CACNA2D1: variants seen among roughly 807,000 people sequenced by gnomAD.
The protein encoded by CACNA2D1 is calcium voltage-gated channel auxiliary subunit alpha2delta 1.
In CACNA2D1, 53 loss-of-function variants were observed where a neutral mutation model predicts 171.5. The ratio of observed to expected loss-of-function variants is 0.31; its 90% CI spans 0.25 to 0.39. CACNA2D1 has a LOEUF of 0.39. Among genes scored for constraint, CACNA2D1 ranks in the 10% least tolerant of loss-of-function variants. The pLI, the probability that CACNA2D1 is intolerant of heterozygous loss-of-function variation, is 1.00. For missense variants in CACNA2D1, 903 were observed against 1,299.8 expected (o/e 0.69, Z 4.69); for synonymous variants, 442 against 443.1 (o/e 1.00, Z 0.03).
intron 1 of CACNA2D1, among the ~76,000 whole-genome samples, chr7:82,400,312 T>C (rs1456889347): frequency 1.3e-5 from 2 of 151,776 alleles, no homozygotes; most frequent in African/African-American, 4.8e-5. Flanking sequence ...ATTTTCACGA[T>C]ATTGATTCTT....
At chr7:82,428,485 A>C (rs1278680222) in intron 1 of CACNA2D1, among the ~76,000 whole-genome samples, 1 of 152,230 alleles carries the variant, frequency 6.6e-6, no homozygotes, top group Non-Finnish European at 1.5e-5. Flanking sequence ...CTAGTGTTCT[A>C]ATCAGATAAA....
At chr7:82,408,810 G>A (rs948125883) in intron 1 of CACNA2D1, among the ~76,000 whole-genome samples, 14 of 152,138 alleles carry the variant, frequency 9.2e-5, no homozygotes, top group Admixed American at 2.0e-4. Context: ...TAAACACAGC[G>A]TAGTCAACTA....
chr7:81,979,746 AAATT>A (rs748508980), intron 24 of CACNA2D1, among the ~76,000 whole-genome samples: 76 of 152,290 alleles, frequency 5.0e-4, no homozygotes, highest in Non-Finnish European at 8.8e-4. Context: ...AAGTAACTTG[AAATT>A]AATTAAAGTG....
chr7:82,098,728 A>G (rs568843856), intron 6 of CACNA2D1, among the ~76,000 whole-genome samples: 1 of 152,256 alleles, frequency 6.6e-6, no homozygotes, highest in South Asian at 2.1e-4. Flanking sequence ...TCTCCTCACC[A>G]TCAATGCGTG....
rs547791558 is a variant in CACNA2D1 at position 82,012,466 on chromosome 7, A to G, written c.1273-223T>C. Reference sequence around the variant, plus strand: ...TTGACTTACATTATTTATACAATATATCTACCCCAGTTTTTTTCTAGTAAC... The same window carrying G: ...TTGACTTACATTATTTATACAATATGTCTACCCCAGTTTTTTTCTAGTAAC... On this transcript the variant is annotated intron_variant, in intron 14 of 38. Coordinates refer to ENST00000356860, the MANE Select transcript of CACNA2D1 (RefSeq NM_000722.4). Among the ~76,000 whole-genome samples, 11 of 152,254 alleles carry G rather than the reference A, an allele frequency of 7.2e-5. No individual in the cohort carries two copies. The South Asian group carries it at 2.3e-3, about 32-fold the overall frequency.
chr7:82,136,368 C>T (rs1018835130), intron 5 of CACNA2D1, among the ~76,000 whole-genome samples: 1 of 152,016 alleles, frequency 6.6e-6, no homozygotes, highest in East Asian at 1.9e-4. Flanking sequence ...CAGAGTATCA[C>T]AGTTGGTACA....
At chr7:82,206,180 A>C (rs1799986417) in intron 3 of CACNA2D1, among the ~76,000 whole-genome samples, 1 of 151,982 alleles carries the variant, frequency 6.6e-6, no homozygotes, top group East Asian at 1.9e-4. Flanking sequence ...TCTGAAATCA[A>C]ATTTACAAGC....
chr7:82,046,208 T>C (rs1325969559), intron 10 of CACNA2D1, among the ~76,000 whole-genome samples: 3 of 152,212 alleles, frequency 2.0e-5, no homozygotes, highest in Admixed American at 1.3e-4. Flanking sequence ...AATATATTAC[T>C]AAAAGTACTG....
intron 3 of CACNA2D1, among the ~76,000 whole-genome samples, chr7:82,180,599 T>C (rs192634094): frequency 2.0e-5 from 3 of 152,072 alleles, no homozygotes; most frequent in Non-Finnish European, 4.4e-5. Flanking sequence ...CTATTGAGAG[T>C]GGCCAGAAAG....
intron 3 of CACNA2D1, among the ~76,000 whole-genome samples, chr7:82,273,776 G>T (rs914767889): frequency 6.6e-6 from 1 of 152,142 alleles, no homozygotes; most frequent in African/African-American, 2.4e-5. Flanking sequence ...GTGTGCAGAT[G>T]TATTTGCGCC....
intron 6 of CACNA2D1, among the ~76,000 whole-genome samples, chr7:82,090,070 CA>C (rs1379351972): frequency 3.3e-5 from 5 of 152,082 alleles, no homozygotes; most frequent in Admixed American, 6.6e-5. Context: ...AAGTAATCAT[CA>C]AAATCAAGTT....
chr7:82,166,504 C>G (rs7810122), intron 4 of CACNA2D1, among the ~76,000 whole-genome samples: 92,284 of 151,860 alleles, frequency 0.61, 30,281 homozygotes, highest in Non-Finnish European at 0.74. Context: ...TGCAAGCTTC[C>G]TTGGAAACAA....
chr7:82,343,655 T>C (rs945338797), intron 2 of CACNA2D1, among the ~76,000 whole-genome samples: 2 of 152,226 alleles, frequency 1.3e-5, no homozygotes, highest in Non-Finnish European at 2.9e-5. Context: ...TTTGTTGTTG[T>C]CGTTGTTTAA....
chr7:82,170,325 T>C (rs1353716264), intron 4 of CACNA2D1, among the ~76,000 whole-genome samples: 1 of 151,738 alleles, frequency 6.6e-6, no homozygotes, highest in African/African-American at 2.4e-5. Context: ...AAGGGTTTTT[T>C]GGTTTTTGTT....
intron 1 of CACNA2D1, among the ~76,000 whole-genome samples, chr7:82,373,618 G>T (rs878907326): frequency 6.6e-6 from 1 of 152,054 alleles, no homozygotes; most frequent in Non-Finnish European, 1.5e-5. Flanking sequence ...CCCACCCATT[G>T]ACTTCAATAA....
At chr7:82,180,338 G>A (rs771223598) in intron 3 of CACNA2D1, among the ~76,000 whole-genome samples, 1 of 152,082 alleles carries the variant, frequency 6.6e-6, no homozygotes, top group Non-Finnish European at 1.5e-5. Context: ...TAGGCCCTTG[G>A]GTCATTCAGC....
chr7:82,110,638 A>G (rs898705417), intron 6 of CACNA2D1, among the ~76,000 whole-genome samples: 5 of 152,120 alleles, frequency 3.3e-5, no homozygotes, highest in African/African-American at 9.7e-5. Flanking sequence ...TCTGGCCACA[A>G]TGGTCTCCCT....
Position 81,950,042 on chromosome 7 carries a change from T to C in CACNA2D1, c.*350A>G, listed in dbSNP as rs1233166549. 4.8e-6 allele frequency: 1 copy of C among 210,286 alleles called. No homozygotes were observed. Among genetic ancestry groups the C allele is most frequent in the African/African-American group, 2.3e-5 (1 of 43,412 alleles). 13.0% of individuals were successfully genotyped at this position (210,286 alleles called of 1,614,324 possible). On this transcript the variant is annotated 3_prime_UTR_variant, in exon 39 of 39. Transcript: ENST00000356860. ...GCAGCAAGTCAAAATTCCAGGTCAATATCAAGACATTTCTTATGGTTCATT... is the reference window on the plus strand; with the variant it reads ...GCAGCAAGTCAAAATTCCAGGTCAACATCAAGACATTTCTTATGGTTCATT...
At chr7:82,147,722 C>A (rs1306702483) in intron 4 of CACNA2D1, among the ~76,000 whole-genome samples, 2 of 152,064 alleles carry the variant, frequency 1.3e-5, no homozygotes, top group East Asian at 3.8e-4. Flanking sequence ...ATTATCAACT[C>A]CAGATTATTA....
Sources: gnomAD v4.1 joint callset for allele counts (sites outside exome capture counted in the v4.1 genomes callset) on GRCh38, gnomAD v4.1.1 for gene constraint, MANE v1.5 for transcripts, NCBI Gene and HGNC (gene_info 2026-07-23, HGNC 2026-07-21) for gene names.